KIAA1328: variants seen among roughly 807,000 people sequenced by gnomAD.
KIAA1328 encodes KIAA1328, also known as protein hinderin.
KIAA1328 carries 52 observed loss-of-function variants against 68.1 expected under a neutral mutation model. The observed-to-expected ratio is 0.76, with a 90% CI of 0.61 to 0.96. The LOEUF is 0.96. Ranked by LOEUF, KIAA1328 falls within the 40% of genes least tolerant of loss-of-function variation. KIAA1328 has a pLI of 0.00. For missense variants in KIAA1328, 641 were observed against 677.6 expected, an observed-to-expected ratio of 0.95 and a Z score of 0.60; for synonymous variants, 232 against 239.4, an observed-to-expected ratio of 0.97 and a Z score of 0.28.
rs535240089 is a variant in KIAA1328 at position 37,101,540 on chromosome 18, A to G, written c.1232+33995A>G. Among the ~76,000 whole-genome samples the G allele has an allele frequency of 3.9e-5, 6 of 152,352 alleles. No individual in the cohort carries two copies. In the South Asian group the frequency reaches 8.3e-4, roughly 21 times the overall value. ...TGTGAAAAGACCAAATCTACATCTG[A>G]TTGGTGTACCTGAAAGTGACGGGGA... On this transcript the variant is annotated intron_variant, in intron 7 of 9. Coordinates refer to ENST00000280020, the MANE Select transcript of KIAA1328 (RefSeq NM_020776.3).
At chr18:37,191,989 C>T (rs2083485225) in intron 9 of KIAA1328, among the ~76,000 whole-genome samples, 3 of 152,176 alleles carry the variant, frequency 2.0e-5, no homozygotes, top group Non-Finnish European at 4.4e-5. Flanking sequence ...TTCCAAAGAA[C>T]TCTGGTTTCA....
At chr18:36,963,176 T>C (rs2051767316) in intron 6 of KIAA1328, among the ~76,000 whole-genome samples, 1 of 152,240 alleles carries the variant, frequency 6.6e-6, no homozygotes, top group African/African-American at 2.4e-5. Flanking sequence ...ATCTATTTTT[T>C]ATTGTTTATG....
chr18:36,986,236 A>G (rs891869127), intron 6 of KIAA1328, among the ~76,000 whole-genome samples: 3 of 152,138 alleles, frequency 2.0e-5, no homozygotes, highest in Non-Finnish European at 4.4e-5. Flanking sequence ...TGGTATATCT[A>G]TATAATGGAA....
intron 5 of KIAA1328, among the ~76,000 whole-genome samples, chr18:36,933,177 A>G (rs546138095): frequency 1.4e-4 from 21 of 152,242 alleles, no homozygotes; most frequent in Admixed American, 7.8e-4. Context: ...TTATAAATAT[A>G]TACATATATT....
chr18:37,082,328 C>T (rs534019628), intron 7 of KIAA1328, among the ~76,000 whole-genome samples: 20 of 152,084 alleles, frequency 1.3e-4, no homozygotes, highest in African/African-American at 3.1e-4. Context: ...CCTGCCACCA[C>T]GCACAGCTAA....
At chr18:37,165,960 A>G (rs903076997) in intron 8 of KIAA1328, among the ~76,000 whole-genome samples, 1 of 151,072 alleles carries the variant, frequency 6.6e-6, no homozygotes, top group African/African-American at 2.4e-5. Flanking sequence ...TTTTTTCTGT[A>G]CTTACAATCA....
intron 7 of KIAA1328, among the ~76,000 whole-genome samples, chr18:37,068,967 G>A (rs985749967): frequency 3.9e-5 from 6 of 152,058 alleles, no homozygotes; most frequent in Non-Finnish European, 5.9e-5. Flanking sequence ...TCATAGAGCA[G>A]AAATTTTTAA....
At chr18:36,933,673 G>C (rs2050394925) in intron 5 of KIAA1328, among the ~76,000 whole-genome samples, 1 of 152,256 alleles carries the variant, frequency 6.6e-6, no homozygotes, top group Admixed American at 6.5e-5. Context: ...GGCACCAGCT[G>C]TTCTAGGGGA....
intron 7 of KIAA1328, among the ~76,000 whole-genome samples, chr18:37,135,024 C>T (rs1313619923): frequency 6.6e-6 from 1 of 152,184 alleles, no homozygotes; most frequent in East Asian, 1.9e-4. Flanking sequence ...CTAAAAAGGA[C>T]ATCATTCCAT....
intron 4 of KIAA1328, among the ~76,000 whole-genome samples, chr18:36,853,140 A>C (rs967159475): frequency 1.3e-5 from 2 of 152,146 alleles, no homozygotes; most frequent in African/African-American, 4.8e-5. Context: ...GAATGGAATA[A>C]ATTTTTCCAC....
At chr18:37,118,874 C>T (rs2151927266) in intron 7 of KIAA1328, among the ~76,000 whole-genome samples, 1 of 152,290 alleles carries the variant, frequency 6.6e-6, no homozygotes, top group African/African-American at 2.4e-5. Context: ...ATATATTAGA[C>T]AATGATTTAG....
intron 5 of KIAA1328, among the ~76,000 whole-genome samples, chr18:36,957,381 C>A (rs2051463450): frequency 6.6e-6 from 1 of 152,000 alleles, no homozygotes; most frequent in South Asian, 2.1e-4. Flanking sequence ...GGAAAAAGAG[C>A]CTGGGGAGGA....
At chr18:37,080,611 C>T (rs2056917259) in intron 7 of KIAA1328, among the ~76,000 whole-genome samples, 1 of 151,838 alleles carries the variant, frequency 6.6e-6, no homozygotes, top group Non-Finnish European at 1.5e-5. Context: ...CCCATCTCTA[C>T]TAAAAATACA....
At chr18:36,833,231 A>T (rs529431132) in intron 1 of KIAA1328, 1 of 152,148 alleles carries the variant, frequency 6.6e-6, no homozygotes, top group South Asian at 2.1e-4. Flanking sequence ...GGGAAGAGAG[A>T]GTTTTGCAAT....
Position 37,173,055 on chromosome 18 carries a change from A to G in KIAA1328, c.1497A>G (p.Ser499=), listed in dbSNP as rs1414866310. 6.2e-7 allele frequency: 1 copy of G among 1,613,248 alleles called. No individual in the cohort carries two copies. The highest frequency in any genetic ancestry group is 2.2e-5 in the East Asian group (1 of 44,844). Reference sequence around the variant, plus strand: ...TAAAGGATTTTGTCACCACAGCCTCACCATCATTACAGCACACCACCTCCC... The same window carrying G: ...TAAAGGATTTTGTCACCACAGCCTCGCCATCATTACAGCACACCACCTCCC... ...GSLKDFVTTA[S]PSLQHTTSRY... Residue 499 remains serine, a synonymous_variant, in exon 9 of 10, where the codon TCA becomes TCG. Transcript: ENST00000280020.
chr18:37,140,731 T>C (rs1043919637), intron 7 of KIAA1328, among the ~76,000 whole-genome samples: 1 of 152,184 alleles, frequency 6.6e-6, no homozygotes, highest in Non-Finnish European at 1.5e-5. Flanking sequence ...TATTTTTTCA[T>C]CACTTTTAAC....
At chr18:37,215,111 C>T (rs1421730718) in intron 9 of KIAA1328, among the ~76,000 whole-genome samples, 2 of 152,176 alleles carry the variant, frequency 1.3e-5, no homozygotes, top group African/African-American at 4.8e-5. Context: ...GACAATTTGA[C>T]TTCCTCTTTT....
chr18:36,852,055 A>C (rs1300443219), intron 4 of KIAA1328, among the ~76,000 whole-genome samples: 1 of 152,102 alleles, frequency 6.6e-6, no homozygotes, highest in Non-Finnish European at 1.5e-5. Context: ...ATTGTTTAAA[A>C]GTGTGTTAAT....
At chr18:36,841,542 C>A (rs1002599958) in intron 3 of KIAA1328, among the ~76,000 whole-genome samples, 7 of 151,928 alleles carry the variant, frequency 4.6e-5, no homozygotes, top group Non-Finnish European at 4.4e-5. Flanking sequence ...TTTGGTAATT[C>A]GTATCCTGAA....
Sources: gnomAD v4.1 joint callset for allele counts (sites outside exome capture counted in the v4.1 genomes callset) on GRCh38, gnomAD v4.1.1 for gene constraint, MANE v1.5 for transcripts, NCBI Gene and HGNC (gene_info 2026-07-23, HGNC 2026-07-21) for gene names.